ERBB4: variants seen among roughly 807,000 people sequenced by gnomAD.
The protein encoded by ERBB4 is receptor tyrosine-protein kinase erbB-4.
In ERBB4, 42 loss-of-function variants were observed where a neutral mutation model predicts 158.0. The observed-to-expected ratio is 0.27, with a 90% CI of 0.21 to 0.34. ERBB4 has a LOEUF of 0.34. ERBB4 is among the 10% of genes least tolerant of loss of function. The pLI is 1.00. For missense variants in ERBB4, 1,333 were observed against 1,624.1 expected (o/e 0.82, Z 3.08); for synonymous variants, 583 against 558.7 (o/e 1.04, Z -0.61).
At chr2:212,272,653 C>T (rs2085385979) in intron 1 of ERBB4, among the ~76,000 whole-genome samples, 1 of 151,728 alleles carries the variant, frequency 6.6e-6, no homozygotes, top group Admixed American at 6.6e-5. Flanking sequence ...ACTGATGCGC[C>T]AGCTTGCAGT....
At chr2:211,734,368 T>A (rs1178649352) in intron 5 of ERBB4, among the ~76,000 whole-genome samples, 1 of 152,208 alleles carries the variant, frequency 6.6e-6, no homozygotes, top group Admixed American at 6.5e-5. Flanking sequence ...AGTGGGTGTA[T>A]AAATTGATAC....
chr2:211,814,153 A>G (rs1380298721), intron 3 of ERBB4, among the ~76,000 whole-genome samples: 1 of 152,174 alleles, frequency 6.6e-6, no homozygotes, highest in Non-Finnish European at 1.5e-5. Context: ...TGTCTAAAAT[A>G]CACCTTAGGC....
At chr2:212,143,033 T>C (rs1340246990) in intron 1 of ERBB4, among the ~76,000 whole-genome samples, 2 of 152,160 alleles carry the variant, frequency 1.3e-5, no homozygotes, top group East Asian at 3.8e-4. Context: ...GTGTCATATG[T>C]ATACAGAAGC....
At chr2:212,446,202 G>A (rs1250641073) in intron 1 of ERBB4, among the ~76,000 whole-genome samples, 2 of 151,998 alleles carry the variant, frequency 1.3e-5, no homozygotes, top group Non-Finnish European at 2.9e-5. Flanking sequence ...TTGGACTTGT[G>A]ATGGTTAATA....
chr2:211,866,361 C>A (rs1221523919), intron 3 of ERBB4, among the ~76,000 whole-genome samples: 1 of 151,968 alleles, frequency 6.6e-6, no homozygotes, highest in Non-Finnish European at 1.5e-5. Flanking sequence ...GGATGTTTTC[C>A]TATTTTGTAA....
rs866388898 is a variant in ERBB4 at position 212,452,026 on chromosome 2, T to C, written c.82+86423A>G. Among the ~76,000 whole-genome samples, 1,497 of 150,052 alleles carry C rather than the reference T, an allele frequency of 1.0e-2. 23 individuals are homozygous for C. Among genetic ancestry groups the C allele is most frequent in the African/African-American group, 0.034 (1,375 of 40,736 alleles). Reference sequence around the variant, plus strand: ...GTGTGCAGGTTTTTTTTTTTTTTTTTCCAGATATTTATCAGAGGCAGTTAC... The same window carrying C: ...GTGTGCAGGTTTTTTTTTTTTTTTTCCCAGATATTTATCAGAGGCAGTTAC... On this transcript the variant is annotated intron_variant, in intron 1 of 27. Transcript: ENST00000342788.
At chr2:211,675,419 A>T (rs1486262942) in intron 13 of ERBB4, among the ~76,000 whole-genome samples, 4 of 152,058 alleles carry the variant, frequency 2.6e-5, no homozygotes, top group African/African-American at 9.7e-5. Flanking sequence ...TAAAAGGAAA[A>T]AATAAGATTT....
chr2:211,861,966 A>G (rs994386032), intron 3 of ERBB4, among the ~76,000 whole-genome samples: 5 of 152,222 alleles, frequency 3.3e-5, no homozygotes, highest in Non-Finnish European at 7.3e-5. Flanking sequence ...TGTGAAATAA[A>G]GGACAATTTC....
At chr2:212,384,615 T>G (rs1317544746) in intron 1 of ERBB4, among the ~76,000 whole-genome samples, 2 of 151,642 alleles carry the variant, frequency 1.3e-5, no homozygotes, top group Non-Finnish European at 3.0e-5. Context: ...CATTTTAGTT[T>G]TATAACTATT....
chr2:211,665,431 T>G lies in ERBB4; in HGVS notation c.1763A>C (p.Asn588Thr). The change falls in exon 15 of 28, where the codon AAC becomes ACC. Residue 588 changes from asparagine (N) to threonine (T), a missense_variant. Around this residue, in one of 5 missense-constraint regions of ERBB4, gnomAD observed 245 missense variants for 247.5 expected, o/e 0.99. Transcript: ENST00000342788. ...GCCATCTGGACATTTTTCCACACAG[T>G]TTGGGCCATCTTTAAAATGAGAGCA... Reference protein sequence around the residue: ...TKCSHFKDGPNCVEKCPDGLQ... With the variant: ...TKCSHFKDGPTCVEKCPDGLQ... The G allele has an allele frequency of 6.2e-7, 1 of 1,614,074 alleles. No homozygotes were observed. Among genetic ancestry groups the G allele is most frequent in the Non-Finnish European group, 8.5e-7 (1 of 1,179,974 alleles).
chr2:211,883,714 C>T (rs2078723233), intron 3 of ERBB4, among the ~76,000 whole-genome samples: 1 of 152,126 alleles, frequency 6.6e-6, no homozygotes, highest in African/African-American at 2.4e-5. Flanking sequence ...ATCGCTTGAA[C>T]CCAGGAGGTG....
At chr2:211,525,066 A>G (rs900746717) in intron 20 of ERBB4, among the ~76,000 whole-genome samples, 5 of 152,176 alleles carry the variant, frequency 3.3e-5, no homozygotes, top group Non-Finnish European at 5.9e-5. Flanking sequence ...AGCAAGCCTC[A>G]CCACTGCAAG....
intron 1 of ERBB4, among the ~76,000 whole-genome samples, chr2:212,402,709 TA>T (rs1257104943): frequency 2.0e-5 from 3 of 152,188 alleles, no homozygotes; most frequent in Admixed American, 6.6e-5. Flanking sequence ...TAAGTGGTAT[TA>T]AAAAAACAAC....
chr2:211,865,761 A>C (rs2078189683), intron 3 of ERBB4, among the ~76,000 whole-genome samples: 1 of 152,216 alleles, frequency 6.6e-6, no homozygotes, highest in African/African-American at 2.4e-5. Flanking sequence ...GTAAGAAGTC[A>C]TTCCTATTTC....
At chr2:211,414,679 T>C (rs1381597300) in intron 25 of ERBB4, among the ~76,000 whole-genome samples, 1 of 152,098 alleles carries the variant, frequency 6.6e-6, no homozygotes, top group Non-Finnish European at 1.5e-5. Flanking sequence ...CAGATTACCG[T>C]AAAGTGAATG....
intron 1 of ERBB4, among the ~76,000 whole-genome samples, chr2:212,396,898 T>C (rs538382541): frequency 6.6e-6 from 1 of 152,228 alleles, no homozygotes; most frequent in South Asian, 2.1e-4. Flanking sequence ...TTTAAACAAA[T>C]AAGAATGTGT....
chr2:211,559,861 G>A (rs1260651522), intron 20 of ERBB4, among the ~76,000 whole-genome samples: 1 of 152,116 alleles, frequency 6.6e-6, no homozygotes, highest in Non-Finnish European at 1.5e-5. Flanking sequence ...TATAGACAGA[G>A]AGATAGTAAA....
chr2:211,495,690 C>T (rs529672768), intron 20 of ERBB4, among the ~76,000 whole-genome samples: 2 of 151,996 alleles, frequency 1.3e-5, no homozygotes, highest in African/African-American at 4.8e-5. Context: ...AAATAAAGTA[C>T]CACCCACAGA....
At chr2:211,454,577 GT>G (rs1162749486) in intron 20 of ERBB4, among the ~76,000 whole-genome samples, 1 of 152,244 alleles carries the variant, frequency 6.6e-6, no homozygotes, top group South Asian at 2.1e-4. Flanking sequence ...TAATTTAGGG[GT>G]TTTTAAGGTG....
Sources: allele counts gnomAD v4.1 joint callset (sites outside exome capture counted in the v4.1 genomes callset), GRCh38; gene constraint gnomAD v4.1.1; regional missense constraint gnomAD v4.1.1; transcripts MANE v1.5; gene names NCBI Gene and HGNC (gene_info 2026-07-23, HGNC 2026-07-21).